Variants in PCYT1A observed in about 807,000 individuals in gnomAD.
PCYT1A encodes the protein phosphate cytidylyltransferase 1A, choline.
A neutral mutation model predicts 43.7 loss-of-function variants in PCYT1A; 25 were observed. The ratio of observed to expected loss-of-function variants is 0.57; its 90% CI spans 0.42 to 0.80. The LOEUF is 0.80. PCYT1A is among the 30% of genes least tolerant of loss of function. PCYT1A has a pLI of 0.00. For missense variants in PCYT1A, 421 were observed against 474.2 expected, an observed-to-expected ratio of 0.89 and a Z score of 1.04; for synonymous variants, 172 against 170.7, an observed-to-expected ratio of 1.01 and a Z score of -0.06.
intron 1 of PCYT1A, among the ~76,000 whole-genome samples, chr3:196,270,914 G>A (rs755757924): frequency 2.6e-5 from 4 of 152,212 alleles, no homozygotes; most frequent in South Asian, 2.1e-4. Context: ...CCGCATCATC[G>A]ATATGACAGG....
intron 2 of PCYT1A, among the ~76,000 whole-genome samples, chr3:196,262,542 T>C (rs546431538): frequency 2.0e-4 from 30 of 152,298 alleles, no homozygotes; most frequent in African/African-American, 6.7e-4. Flanking sequence ...TCCAAATGCA[T>C]GCATCTAAAA....
rs1560164775 is a variant in PCYT1A at position 196,247,404 on chromosome 3, G to A, written c.449C>T (p.Pro150Leu). Residue 150 changes from proline (P) to leucine (L), a missense_variant, in exon 5 of 9, where the codon CCC becomes CTC. Transcript: ENST00000431016. The surrounding 1 kb of genome is among the most constrained non-coding windows in gnomAD (Gnocchi z 4.8). Reference protein sequence around the residue: ...RYVDEVVRNAPWTLTPEFLAE... With the variant: ...RYVDEVVRNALWTLTPEFLAE... ...CAGGAACTCGGGTGTCAGCGTCCAG[G>A]GCGCATTCCTCACCACCTCATCCAC... The A allele has an allele frequency of 6.2e-7, 1 of 1,614,140 alleles. No homozygotes were observed. The highest frequency in any genetic ancestry group is 8.5e-7 in the Non-Finnish European group (1 of 1,180,030).
Position 196,242,541 on chromosome 3 carries a change from G to T in PCYT1A, c.565+21C>A. ...CAGCTGCCCTGAGATCCCCTACAGT[G>T]AGGAAGCACAGCTCACTCACCTGCC... On this transcript the variant is annotated intron_variant, in intron 6 of 8. Transcript: ENST00000431016. The surrounding 1 kb of genome is among the most constrained non-coding windows in gnomAD (Gnocchi z 4.2). 1 of 1,530,118 alleles carries T rather than the reference G, an allele frequency of 6.5e-7. No homozygotes were observed. The highest frequency in any genetic ancestry group is 9.1e-7 in the Non-Finnish European group (1 of 1,103,470). 94.8% of individuals were successfully genotyped at this position (1,530,118 alleles called of 1,614,324 possible). A position where few individuals can be genotyped will look rare whatever the true frequency, so the allele number is the denominator to read the frequency against.
chr3:196,241,478 A>G (rs765547314), intron 7 of PCYT1A: 124 of 1,284,236 alleles, frequency 9.7e-5, no homozygotes, highest in Non-Finnish European at 1.2e-4. Flanking sequence ...CATGCCCAGA[A>G]AAATATATAG....
intron 2 of PCYT1A, among the ~76,000 whole-genome samples, chr3:196,263,908 G>C (rs887196259): frequency 6.6e-6 from 1 of 151,232 alleles, no homozygotes; most frequent in Admixed American, 6.6e-5. Context: ...TTGGGATTAC[G>C]GGCATGAGCC....
At chr3:196,260,821 T>C (rs546905101) in intron 2 of PCYT1A, among the ~76,000 whole-genome samples, 3 of 152,192 alleles carry the variant, frequency 2.0e-5, no homozygotes, top group African/African-American at 7.2e-5. Flanking sequence ...GTCTGGGAGA[T>C]AGAGAAAGAC....
Position 196,248,190 on chromosome 3 carries a change from A to C in PCYT1A, c.334+17T>G, listed in dbSNP as rs1724629451. ...CTTTTTCTGCACAGCACCTGAAGTC[A>C]CCAAATGTTTTCTTACCTCCCACAA... is the stretch of plus-strand genomic sequence containing the variant. On this transcript the variant is annotated intron_variant, in intron 4 of 8. Transcript: ENST00000431016. 7.1e-7 allele frequency: 1 copy of C among 1,403,194 alleles called. No homozygotes were observed. Among genetic ancestry groups the C allele is most frequent in the South Asian group, 1.2e-5 (1 of 86,924 alleles). The allele number at this position is 1,403,194 out of a possible 1,614,324, so 86.9% of individuals were successfully genotyped here.
At chr3:196,245,247 T>G (rs1724525531) in intron 5 of PCYT1A, among the ~76,000 whole-genome samples, 1 of 151,860 alleles carries the variant, frequency 6.6e-6, no homozygotes, top group African/African-American at 2.4e-5. Flanking sequence ...ATTCAAGCGA[T>G]TCTCCTGCCT....
At chr3:196,244,664 G>A (rs1171890100) in intron 5 of PCYT1A, among the ~76,000 whole-genome samples, 2 of 152,236 alleles carry the variant, frequency 1.3e-5, no homozygotes, top group African/African-American at 4.8e-5. Context: ...GGGAAATGTG[G>A]GGAAAAGATA....
chr3:196,240,003 A>T, intron 7 of PCYT1A: 1 of 408,986 alleles, frequency 2.4e-6, no homozygotes, highest in Non-Finnish European at 4.4e-6. Context: ...TAGCCAAATA[A>T]AGTCAGAGTT....
At chr3:196,275,057 A>C (rs1197692096) in intron 1 of PCYT1A, among the ~76,000 whole-genome samples, 1 of 152,194 alleles carries the variant, frequency 6.6e-6, no homozygotes, top group Non-Finnish European at 1.5e-5. Context: ...CATCCAATTA[A>C]TGATTGTTTT....
intron 1 of PCYT1A, among the ~76,000 whole-genome samples, chr3:196,284,492 C>T (rs1050340868): frequency 6.6e-6 from 1 of 152,154 alleles, no homozygotes; most frequent in Non-Finnish European, 1.5e-5. Flanking sequence ...AGAAAATCTA[C>T]AACAAGAGAA....
intron 2 of PCYT1A, among the ~76,000 whole-genome samples, chr3:196,269,908 C>G (rs755927533): frequency 3.9e-5 from 6 of 152,088 alleles, no homozygotes; most frequent in Admixed American, 1.3e-4. Flanking sequence ...GGGTCTGTCT[C>G]TGTTGCCCAG....
chr3:196,264,514 T>C (rs570357436), intron 2 of PCYT1A, among the ~76,000 whole-genome samples: 22 of 152,356 alleles, frequency 1.4e-4, no homozygotes, highest in African/African-American at 5.3e-4. Context: ...GAATTCCTTG[T>C]ATCCTTCAAA....
At chr3:196,267,277 T>C (rs182119162) in intron 2 of PCYT1A, 3 of 455,518 alleles carry the variant, frequency 6.6e-6, no homozygotes, top group Admixed American at 4.7e-5. Flanking sequence ...AAAGACCACA[T>C]ACCGTATGAT....
intron 3 of PCYT1A, among the ~76,000 whole-genome samples, chr3:196,251,174 A>G (rs1724769025): frequency 6.6e-6 from 1 of 150,938 alleles, no homozygotes; most frequent in Non-Finnish European, 1.5e-5. Context: ...GATCACATAC[A>G]CCATGCTGAG....
At chr3:196,244,683 A>T (rs2108764550) in intron 5 of PCYT1A, among the ~76,000 whole-genome samples, 1 of 152,358 alleles carries the variant, frequency 6.6e-6, no homozygotes, top group East Asian at 1.9e-4. Context: ...TAGAAAAATC[A>T]GATTGTTGCT....
chr3:196,241,417 G>T, intron 7 of PCYT1A: 1 of 795,150 alleles, frequency 1.3e-6, no homozygotes, highest in Non-Finnish European at 1.8e-6. Flanking sequence ...CAAACTCCTG[G>T]CCTCAAGCAG....
intron 1 of PCYT1A, among the ~76,000 whole-genome samples, chr3:196,279,213 A>G (rs999673557): frequency 2.0e-5 from 3 of 151,364 alleles, no homozygotes; most frequent in Non-Finnish European, 4.4e-5. Flanking sequence ...ATTTGAACCC[A>G]AGAGACGGAG....
Sources: allele counts gnomAD v4.1 joint callset (sites outside exome capture counted in the v4.1 genomes callset), GRCh38; gene constraint gnomAD v4.1.1; non-coding constraint Gnocchi (gnomAD v3.1); transcripts MANE v1.5; gene names NCBI Gene and HGNC (gene_info 2026-07-23, HGNC 2026-07-21).